HDAC9: variants seen among roughly 807,000 people sequenced by gnomAD.
HDAC9 encodes histone deacetylase 9, also known as MEF-2 interacting transcription repressor (MITR) protein.
HDAC9 carries 41 observed loss-of-function variants against 139.4 expected under a neutral mutation model. That is an observed-to-expected ratio of 0.29 (90% CI 0.23 to 0.38). The LOEUF is 0.38. HDAC9 is among the 10% of genes least tolerant of loss of function. The pLI is 1.00. For missense variants in HDAC9, 1,147 were observed against 1,297.0 expected, an observed-to-expected ratio of 0.88 and a Z score of 1.78; for synonymous variants, 517 against 476.2, an observed-to-expected ratio of 1.09 and a Z score of -1.12.
chr7:18,731,634 A>C (rs1027668152), intron 13 of HDAC9, among the ~76,000 whole-genome samples: 1 of 151,928 alleles, frequency 6.6e-6, no homozygotes, highest in Non-Finnish European at 1.5e-5. Context: ...TTTAAAGATA[A>C]TTTTTTTTGA....
Position 18,786,796 on chromosome 7 carries a change from T to TTTCCTTCCTTCC in HDAC9, c.2215-6537_2215-6526dup, listed in dbSNP as rs1173756197. On this transcript the variant is annotated intron_variant, in intron 16 of 25. Coordinates refer to ENST00000686413, the MANE Select transcript of HDAC9 (RefSeq NM_178425.4). ...TTTCTTTCTTTTCTTTCTTTCTTTC[T>TTTCCTTCCTTCC]TTCCTTCCTTCCTTCCTTCCTTCAT... 1.5e-3 allele frequency among the ~76,000 whole-genome samples: 67 copies of TTTCCTTCCTTCC among 44,050 alleles called. 1 individual carries two copies. Among genetic ancestry groups the TTTCCTTCCTTCC allele is most frequent in the African/African-American group, 4.3e-3 (58 of 13,352 alleles). The allele number at this position is 44,050 out of a possible 152,430, so 28.9% of individuals were successfully genotyped here. A position where few individuals can be genotyped will look rare whatever the true frequency, so the allele number is the denominator to read the frequency against.
chr7:18,461,580 A>G (rs1255007662), intron 1 of HDAC9, among the ~76,000 whole-genome samples: 2 of 152,130 alleles, frequency 1.3e-5, no homozygotes, highest in Non-Finnish European at 2.9e-5. Flanking sequence ...TTATGTAAAT[A>G]TAACACTGAA....
chr7:18,737,094 T>G (rs1290950518), intron 13 of HDAC9, among the ~76,000 whole-genome samples: 3 of 152,216 alleles, frequency 2.0e-5, no homozygotes, highest in Non-Finnish European at 4.4e-5. Context: ...CCTTTTTCAT[T>G]TTTTATTGCG....
chr7:18,358,489 C>T (rs1783508858), intron 1 of HDAC9, among the ~76,000 whole-genome samples: 1 of 152,108 alleles, frequency 6.6e-6, no homozygotes, highest in African/African-American at 2.4e-5. Flanking sequence ...TTATTTTATG[C>T]AAACTGGCAT....
At chr7:18,985,617 T>C (rs1268987357) in intron 25 of HDAC9, among the ~76,000 whole-genome samples, 2 of 147,890 alleles carry the variant, frequency 1.4e-5, no homozygotes, top group East Asian at 2.0e-4. Context: ...ATGGTATTTC[T>C]AGTTCTAGAT....
intron 12 of HDAC9, among the ~76,000 whole-genome samples, chr7:18,691,105 T>A (rs1782642378): frequency 6.6e-6 from 1 of 152,002 alleles, no homozygotes; most frequent in Non-Finnish European, 1.5e-5. Flanking sequence ...GCATAGAAGG[T>A]CTTTTCTTAA....
intron 2 of HDAC9, among the ~76,000 whole-genome samples, chr7:18,528,393 A>G (rs1807661671): frequency 6.6e-6 from 1 of 152,156 alleles, no homozygotes; most frequent in Non-Finnish European, 1.5e-5. Flanking sequence ...ACAGAAAAAA[A>G]TTAGGTAAAA....
intron 1 of HDAC9, among the ~76,000 whole-genome samples, chr7:18,461,364 T>G (rs1328073630): frequency 6.6e-6 from 1 of 152,120 alleles, no homozygotes; most frequent in Non-Finnish European, 1.5e-5. Context: ...AAAGGGAGAA[T>G]TTTAGTGGAA....
intron 17 of HDAC9, among the ~76,000 whole-genome samples, chr7:18,807,497 C>CT (rs1227117316): frequency 6.6e-6 from 1 of 151,302 alleles, no homozygotes; most frequent in Non-Finnish European, 1.5e-5. Context: ...GTTTACTCTT[C>CT]TTTTTTTTAG....
intron 1 of HDAC9, among the ~76,000 whole-genome samples, chr7:18,475,827 CT>C (rs2128123791): frequency 6.6e-6 from 1 of 152,310 alleles, no homozygotes; most frequent in East Asian, 1.9e-4. Flanking sequence ...GCAAAATCCA[CT>C]AAAATCACTA....
intron 2 of HDAC9, among the ~76,000 whole-genome samples, chr7:18,561,221 T>G (rs147774264): frequency 6.6e-6 from 1 of 152,338 alleles, no homozygotes; most frequent in Non-Finnish European, 1.5e-5. Context: ...CTGGTAATAG[T>G]ATGTATTGAA....
Position 18,496,247 on chromosome 7 carries a change from C to A in HDAC9, c.-41-15C>A. ...CTGCAGACAATTTACGAGAGTGACT[C>A]CTGTTTTTCCTCAGATGGGGTGGCT... On this transcript the variant is annotated splice_polypyrimidine_tract_variant and intron_variant, in intron 1 of 25. Coordinates refer to ENST00000686413, the MANE Select transcript of HDAC9 (RefSeq NM_178425.4). 1 of 1,612,660 alleles carries A rather than the reference C, an allele frequency of 6.2e-7. No homozygotes were observed.
intron 6 of HDAC9, among the ~76,000 whole-genome samples, chr7:18,603,687 T>C (rs1834601360): frequency 6.6e-6 from 1 of 152,144 alleles, no homozygotes. Context: ...CACAGTTAAC[T>C]ATTAGATCAA....
intron 12 of HDAC9, among the ~76,000 whole-genome samples, chr7:18,699,307 G>T (rs919889614): frequency 6.6e-6 from 1 of 152,212 alleles, no homozygotes; most frequent in African/African-American, 2.4e-5. Context: ...CCTTCTCTGT[G>T]CCTTAGAATC....
chr7:18,877,173 T>G lies in HDAC9; in HGVS notation c.2803+2577T>G, dbSNP rs991143955. The stretch of plus-strand genomic sequence containing the variant: ...ATATTATTTCATGGAAGCCTGAGTT[T>G]CTCAGCTATACTTTCTAGAGATGCT... On this transcript the variant is annotated intron_variant, in intron 22 of 25. Coordinates refer to ENST00000686413, the MANE Select transcript of HDAC9 (RefSeq NM_178425.4). Among the ~76,000 whole-genome samples the G allele has an allele frequency of 4.6e-5, 7 of 152,148 alleles. No individual in the cohort carries two copies. In the South Asian group the frequency reaches 6.2e-4, roughly 13 times the overall value.
chr7:18,885,905 A>C (rs1224801464), intron 22 of HDAC9, among the ~76,000 whole-genome samples: 3 of 152,172 alleles, frequency 2.0e-5, no homozygotes, highest in African/African-American at 7.2e-5. Flanking sequence ...AAATTCCTGC[A>C]AACCAGTATG....
intron 2 of HDAC9, among the ~76,000 whole-genome samples, chr7:18,560,933 G>A (rs1233783712): frequency 6.6e-6 from 1 of 152,096 alleles, no homozygotes; most frequent in Non-Finnish European, 1.5e-5. Context: ...CTTGTCCCGT[G>A]CTCTCCTCCT....
intron 2 of HDAC9, among the ~76,000 whole-genome samples, chr7:18,209,793 C>T (rs887667615): frequency 6.6e-6 from 1 of 152,034 alleles, no homozygotes; most frequent in African/African-American, 2.4e-5. Context: ...CTCCGCCTCC[C>T]AGTTTCACGC....
chr7:18,489,909 G>T (rs745333461), intron 1 of HDAC9, among the ~76,000 whole-genome samples: 2 of 151,964 alleles, frequency 1.3e-5, no homozygotes, highest in Non-Finnish European at 2.9e-5. Context: ...TGGCTGAGCA[G>T]GGAAAAGCTG....
Sources: gnomAD v4.1 joint callset for allele counts (sites outside exome capture counted in the v4.1 genomes callset) on GRCh38, gnomAD v4.1.1 for gene constraint, MANE v1.5 for transcripts, NCBI Gene and HGNC (gene_info 2026-07-23, HGNC 2026-07-21) for gene names.